USP2: variants seen among roughly 807,000 people sequenced by gnomAD.
USP2 encodes ubiquitin carboxyl-terminal hydrolase 2.
A neutral mutation model predicts 72.0 loss-of-function variants in USP2; 33 were observed. The ratio of observed to expected loss-of-function variants is 0.46; its 90% confidence interval spans 0.35 to 0.61. The LOEUF (loss-of-function observed/expected upper bound fraction) is 0.61, where lower values mean the gene tolerates loss of function less well. Among genes scored for constraint, USP2 ranks in the 20% least tolerant of loss-of-function variants. The pLI is 0.01. For synonymous variants in USP2, 296 were observed against 312.5 expected, an observed-to-expected ratio of 0.95 and a Z score of 0.56; for missense variants, 691 against 797.8, an observed-to-expected ratio of 0.87 and a Z score of 1.61.
chr11:119,366,174 C>T (rs754828190), intron 2 of USP2, among the ~76,000 whole-genome samples: 1 of 152,132 alleles, frequency 6.6e-6, no homozygotes, highest in Admixed American at 6.6e-5. Context: ...GGATTACAGG[C>T]GTGAGCCACC....
At chr11:119,373,562 G>A (rs967124266) in intron 1 of USP2, 41 bp from the exon 2 acceptor site, 3 of 1,458,404 alleles carry the variant, frequency 2.1e-6, no homozygotes, top group South Asian at 2.8e-5. Flanking sequence ...GCCCTGCCAG[G>A]TGTCGGGCTC....
intron 2 of USP2, among the ~76,000 whole-genome samples, chr11:119,364,528 C>G (rs1195914400): frequency 1.3e-5 from 2 of 152,208 alleles, no homozygotes; most frequent in African/African-American, 4.8e-5. Context: ...CAGTGGCAAC[C>G]GGGTGAGCTT....
rs749035119 is a variant in USP2 at position 119,372,986 on chromosome 11, G to T, written c.495C>A (p.Asn165Lys). 17 of 1,613,750 alleles carry T rather than the reference G, an allele frequency of 1.1e-5. No homozygotes were observed. In the African/African-American group the frequency reaches 1.1e-4, roughly 10 times the overall value. ...TSDSYRIDPR[N>K]LGRSPMLART... ...GGGCCAGCATGGGGCTGCGGCCCAG[G>T]TTCCTGGGGTCTATCCGGTAGCTAT... is the stretch of plus-strand genomic sequence containing the variant. The change falls in exon 2 of 13, where the codon AAC (asparagine) becomes AAA (lysine). Residue 165 changes from asparagine to lysine, a missense_variant. Asn to Lys is a moderately conservative substitution (Grantham distance 94, BLOSUM62 0). Coordinates refer to ENST00000260187, the MANE Select transcript of USP2 (RefSeq NM_004205.5).
At position 119,378,888 on chromosome 11, in the gene USP2, C is replaced by T. The variant is rs1424388214; in HGVS notation, c.-42+2585G>A. 18 of 747,794 alleles carry T rather than the reference C, an allele frequency of 2.4e-5. No individual in the cohort carries two copies. The Admixed American group carries it at 6.3e-4, about 26-fold the overall frequency. 46.3% of individuals were successfully genotyped at this position (747,794 alleles called of 1,614,324 possible). A position where few individuals can be genotyped will look rare whatever the true frequency, so the allele number is the denominator to read the frequency against. Reference sequence around the variant, plus strand: ...GCCTCCGGAGGAGCCTTTGGTCTTGCCCCTGACACCCACCGGGCCCAATGG... The same window carrying T: ...GCCTCCGGAGGAGCCTTTGGTCTTGTCCCTGACACCCACCGGGCCCAATGG... On this transcript the variant is annotated intron_variant, in intron 1 of 12. Coordinates refer to ENST00000260187, the MANE Select transcript of USP2 (RefSeq NM_004205.5).
chr11:119,373,294 G>A lies in USP2; in HGVS notation c.187C>T (p.Pro63Ser). The change falls in exon 2 of 13, where the codon CCC (proline) becomes TCC (serine). Residue 63 changes from proline (P) to serine (S), a missense_variant. Pro to Ser is a moderately conservative substitution (Grantham distance 74). Transcript: ENST00000260187. Reference protein sequence around the residue: ...PVPTSSFLTRPRTYGPSSLLD... With the variant: ...PVPTSSFLTRSRTYGPSSLLD... ...AGGGAGGAGGGGCCATAGGTACGGG[G>A]ACGGGTGAGGAAGCTGCTGGTGGGG... 1 of 1,613,842 alleles carries A rather than the reference G, an allele frequency of 6.2e-7. No homozygotes were observed. The highest frequency in any genetic ancestry group is 8.5e-7 in the Non-Finnish European group (1 of 1,179,894).
rs1267216119 is a variant in USP2 at position 119,372,931 on chromosome 11, C to T, written c.550G>A (p.Gly184Arg). Residue 184 changes from glycine (G) to arginine (R), a missense_variant, in exon 2 of 13, where the codon GGG becomes AGG. By Grantham distance (125) the Gly-to-Arg change is moderately radical. Coordinates refer to ENST00000260187, the MANE Select transcript of USP2 (RefSeq NM_004205.5). ...RTRKELCTLQ[G>R]LYQTASCPEY... ...GGGCAGCTGGCTGTCTGGTAGAGCC[C>T]CTGCAGGGTGCAGAGCTCCTTGCGC... is the stretch of plus-strand genomic sequence containing the variant. 8.1e-6 allele frequency: 13 copies of T among 1,613,480 alleles called. 1 individual carries two copies. The Middle Eastern group carries it at 5.0e-4, about 61-fold the overall frequency.
At position 119,359,560 on chromosome 11, in the gene USP2, T is replaced by C. The variant is rs117339295; in HGVS notation, c.926A>G (p.Asn309Ser). Residue 309 changes from asparagine (N) to serine (S), a missense_variant, in exon 4 of 13, where the codon AAT (asparagine) becomes AGT (serine). By Grantham distance (46) the Asn-to-Ser change is conservative. Transcript: ENST00000260187. The part of the protein sequence containing the change: ...LYMRDLHHGS[N>S]AHTALVEEFA... ...ACCTTCCACGAGGGCTGTGTGTGCATTGCTGCCGTGGTGCAGGTCCCGCAT... is the reference window on the plus strand; with the variant it reads ...ACCTTCCACGAGGGCTGTGTGTGCACTGCTGCCGTGGTGCAGGTCCCGCAT... 213 of 1,613,972 alleles carry C rather than the reference T, an allele frequency of 1.3e-4. No homozygotes were observed. In the East Asian group the frequency reaches 3.6e-3, roughly 27 times the overall value.
chr11:119,359,585 T>C lies in USP2; in HGVS notation c.901A>G (p.Met301Val). The C allele has an allele frequency of 1.2e-6, 2 of 1,614,020 alleles. No homozygotes were observed. Among genetic ancestry groups the C allele is most frequent in the Non-Finnish European group, 1.7e-6 (2 of 1,180,018 alleles). ...LRDYCLQRLY[M>V]RDLHHGSNAH... ...TTGCTGCCGTGGTGCAGGTCCCGCA[T>C]GTAGAGCCTCTGGAGGCAGTAATCT... Residue 301 changes from methionine (M) to valine (V), a missense_variant, in exon 4 of 13, where the codon ATG becomes GTG. Physicochemically the swap from Met to Val is conservative, Grantham distance 21. Coordinates refer to ENST00000260187, the MANE Select transcript of USP2 (RefSeq NM_004205.5).
At chr11:119,358,568 G>T in intron 7 of USP2, 1 of 649,664 alleles carries the variant, frequency 1.5e-6, no homozygotes. Context: ...TACCCGCCTT[G>T]GCCTCCCAAA....
chr11:119,360,394 G>T (rs1450725412), intron 2 of USP2, 160 bp from the exon 3 acceptor site: 3 of 767,718 alleles, frequency 3.9e-6, no homozygotes, highest in Non-Finnish European at 6.8e-6. Context: ...TAGGAAAGAG[G>T]ATTGAGGAAT....
In USP2 at chr11:119,381,514, G is replaced by A; in HGVS notation, c.-83C>T. 2 of 1,536,190 alleles carry A rather than the reference G, an allele frequency of 1.3e-6. No homozygotes were observed. Among genetic ancestry groups the A allele is most frequent in the Non-Finnish European group, 1.7e-6 (2 of 1,146,920 alleles). ...TATGGACGAGTCGAACCGGGCACAA[G>A]CATGGAGCTGCGGGTGAGTCCCGGC... On this transcript the variant is annotated 5_prime_UTR_variant, in exon 1 of 13. Coordinates refer to ENST00000260187, the MANE Select transcript of USP2 (RefSeq NM_004205.5).
At chr11:119,360,277 G>T in intron 2 of USP2, 43 bp from the exon 3 acceptor site, 1 of 1,604,104 alleles carries the variant, frequency 6.2e-7, no homozygotes, top group Non-Finnish European at 8.5e-7. Flanking sequence ...AAGCAAAGAT[G>T]CTAGGCCTGT....
In USP2 at chr11:119,358,831, G is replaced by T; in HGVS notation, c.1179C>A (p.Asp393Glu). The part of the protein sequence containing the change: ...NPENLDHLPD[D>E]EKGRQMWRKY... Reference sequence around the variant, plus strand: ...TTCTCCACATCTGTCGGCCTTTCTCGTCATCACTGGGAACCAGAGAGAGAC... The same window carrying T: ...TTCTCCACATCTGTCGGCCTTTCTCTTCATCACTGGGAACCAGAGAGAGAC... Residue 393 changes from aspartate to glutamate, a missense_variant, in exon 7 of 13, where the codon GAC becomes GAA. Transcript: ENST00000260187. 1 of 1,613,990 alleles carries T rather than the reference G, an allele frequency of 6.2e-7. No homozygotes were observed. Among genetic ancestry groups the T allele is most frequent in the Non-Finnish European group, 8.5e-7 (1 of 1,180,040 alleles).
chr11:119,362,674 A>G (rs1259330263), intron 2 of USP2, among the ~76,000 whole-genome samples: 2 of 152,190 alleles, frequency 1.3e-5, no homozygotes, highest in African/African-American at 2.4e-5. Context: ...AGGACAAACA[A>G]TCCTACCTCA....
intron 1 of USP2, chr11:119,376,128 A>G: frequency 2.1e-6 from 2 of 971,566 alleles, no homozygotes; most frequent in Non-Finnish European, 2.4e-6. Context: ...GGCCTTCCAC[A>G]TGTCTCTCCC....
intron 2 of USP2, among the ~76,000 whole-genome samples, chr11:119,361,181 G>C (rs928488640): frequency 6.6e-6 from 1 of 152,212 alleles, no homozygotes; most frequent in African/African-American, 2.4e-5. Flanking sequence ...ATCCTGACTG[G>C]CCACTGTCTG....
chr11:119,366,117 A>C (rs942125312), intron 2 of USP2, among the ~76,000 whole-genome samples: 6 of 151,546 alleles, frequency 4.0e-5, no homozygotes, highest in Non-Finnish European at 7.4e-5. Context: ...CTGGTCATGA[A>C]CTCCTGACCT....
intron 12 of USP2, 31 bp from the exon 13 acceptor site, chr11:119,356,953 C>T: frequency 2.3e-5 from 36 of 1,547,518 alleles, no homozygotes; most frequent in Non-Finnish European, 3.1e-5. Flanking sequence ...CAGCCCGGAG[C>T]GGGCAGGACC....
intron 2 of USP2, chr11:119,364,169 G>A (rs1017088906): frequency 1.7e-6 from 2 of 1,198,394 alleles, no homozygotes; most frequent in Non-Finnish European, 1.0e-6. Context: ...GGCGTGCGCC[G>A]CCAACAGCCC....
Sources: gnomAD v4.1 joint callset for allele counts (sites outside exome capture counted in the v4.1 genomes callset) on GRCh38, gnomAD v4.1.1 for gene constraint, MANE v1.5 for transcripts, NCBI Gene and HGNC (gene_info 2026-07-23, HGNC 2026-07-21) for gene names.